The following PHACTR2 variants were observed in gnomAD, a reference collection of about 807,000 sequenced individuals.
The protein encoded by PHACTR2 is chromosome 6 open reading frame 56.
Under a neutral mutation model 76.0 loss-of-function variants are expected in PHACTR2, and 30 were observed. The observed-to-expected ratio is 0.39, with a 90% CI of 0.30 to 0.54. The LOEUF (loss-of-function observed/expected upper bound fraction) is 0.54, where lower values mean the gene tolerates loss of function less well. PHACTR2 is among the 20% of genes least tolerant of loss of function. The pLI is 0.61. For missense variants in PHACTR2, 696 were observed against 781.1 expected (o/e 0.89, Z 1.30); for synonymous variants, 292 against 292.5 (o/e 1.00, Z 0.02).
rs1779248822 is a variant in PHACTR2 at position 143,754,081 on chromosome 6, C to G, written c.454+169C>G. The G allele has an allele frequency of 4.6e-6, 2 of 432,960 alleles. No individual in the cohort carries two copies. Among genetic ancestry groups the G allele is most frequent in the Non-Finnish European group, 8.1e-6 (2 of 245,466 alleles). The allele number at this position is 432,960 out of a possible 1,614,324, so 26.8% of individuals were successfully genotyped here. On this transcript the variant is annotated intron_variant, in intron 4 of 12. Coordinates refer to ENST00000440869, the MANE Select transcript of PHACTR2 (RefSeq NM_001100164.2). This position sits in a 1 kb window ranked among gnomAD's most constrained non-coding sequence, Gnocchi z 6.2. ...TAGTAAAGTGAAATCGGATGATTTTCTCAGGTAGATGCATCCATTTTATAA... is the reference window on the plus strand; with the variant it reads ...TAGTAAAGTGAAATCGGATGATTTTGTCAGGTAGATGCATCCATTTTATAA...
rs147081046 is a variant in PHACTR2 at position 143,741,974 on chromosome 6, G to A, written c.215-7011G>A. Among the ~76,000 whole-genome samples the A allele has an allele frequency of 2.1e-4, 32 of 151,876 alleles. 1 individual carries two copies. Among genetic ancestry groups the A allele is most frequent in the African/African-American group, 7.2e-4 (30 of 41,426 alleles). The stretch of plus-strand genomic sequence containing the variant: ...AAAAAAATTAGCTGGGCATGGTGGC[G>A]GGCACCTGTAATCCCAGCTACTTGG... On this transcript the variant is annotated intron_variant, in intron 2 of 12. Transcript: ENST00000440869.
intron 2 of PHACTR2, among the ~76,000 whole-genome samples, chr6:143,741,316 A>C (rs755954732): frequency 3.0e-4 from 46 of 151,672 alleles, no homozygotes; most frequent in Admixed American, 5.9e-4. Flanking sequence ...AACATGGCCA[A>C]ACCCCATCTC....
chr6:143,758,632 T>C (rs912076490), intron 4 of PHACTR2, among the ~76,000 whole-genome samples: 3 of 152,164 alleles, frequency 2.0e-5, no homozygotes, highest in African/African-American at 7.2e-5. Context: ...AGACAAGATA[T>C]ATAAACAGAA....
Position 143,678,930 on chromosome 6 carries a change from C to A in PHACTR2, c.46+721C>A, listed in dbSNP as rs1340305674. ...GAAGGTACGTCTGGCATTTCCCCGA[C>A]AGTGTAGGGATAAAAAAAAAAAAAA... On this transcript the variant is annotated intron_variant, in intron 1 of 12. Transcript: ENST00000440869. This position sits in a 1 kb window ranked among gnomAD's most constrained non-coding sequence, Gnocchi z 6.2. 1.4e-5 allele frequency among the ~76,000 whole-genome samples: 2 copies of A among 145,884 alleles called. No homozygotes were observed. Among genetic ancestry groups the A allele is most frequent in the East Asian group, 3.9e-4 (2 of 5,116 alleles).
chr6:143,577,497 G>GA (rs199792347), intron 1 of PHACTR2, among the ~76,000 whole-genome samples: 2,057 of 152,214 alleles, frequency 0.014, 22 homozygotes, highest in Non-Finnish European at 0.022. Context: ...AAAAAGGTGT[G>GA]AAAAAAACTC....
Position 143,826,952 on chromosome 6 carries a change from T to C in PHACTR2, c.*3263T>C, listed in dbSNP as rs916243031. 4.6e-5 allele frequency: 7 copies of C among 151,862 alleles called. No homozygotes were observed. Among genetic ancestry groups the C allele is most frequent in the Non-Finnish European group, 8.8e-5 (6 of 67,912 alleles). The allele number at this position is 151,862 out of a possible 1,614,324, so 9.4% of individuals were successfully genotyped here. On this transcript the variant is annotated 3_prime_UTR_variant, in exon 13 of 13. Transcript: ENST00000440869. ...TAATGAGAGTAGTCCTTTATCTTTC[T>C]CTAATGTTAGTAAATATATTCTGTT...
Position 143,803,949 on chromosome 6 carries a change from C to T in PHACTR2, c.1846-3108C>T, listed in dbSNP as rs1346217413. Among the ~76,000 whole-genome samples the T allele has an allele frequency of 6.6e-6, 1 of 152,156 alleles. No individual in the cohort carries two copies. Among genetic ancestry groups the T allele is most frequent in the African/African-American group, 2.4e-5 (1 of 41,420 alleles). On this transcript the variant is annotated intron_variant, in intron 11 of 12. Coordinates refer to ENST00000440869, the MANE Select transcript of PHACTR2 (RefSeq NM_001100164.2). The surrounding 1 kb of genome is among the most constrained non-coding windows in gnomAD (Gnocchi z 4.7). ...AGGGCAAACAGGAAAAGGGTTAATG[C>T]GCATCTCTCTCTAGCAAGTCATGTG... is the stretch of plus-strand genomic sequence containing the variant.
At chr6:143,740,660 A>G (rs1018762592) in intron 2 of PHACTR2, among the ~76,000 whole-genome samples, 2 of 152,212 alleles carry the variant, frequency 1.3e-5, no homozygotes, top group Non-Finnish European at 2.9e-5. Flanking sequence ...GTGAGAATTT[A>G]CACTGTATCC....
intron 1 of PHACTR2, among the ~76,000 whole-genome samples, chr6:143,705,742 T>G (rs1778038375): frequency 6.6e-6 from 1 of 152,208 alleles, no homozygotes; most frequent in Non-Finnish European, 1.5e-5. Context: ...GTACATACTG[T>G]CAGCACAGCT....
At chr6:143,729,364 A>T (rs1778651823) in intron 2 of PHACTR2, among the ~76,000 whole-genome samples, 2 of 152,160 alleles carry the variant, frequency 1.3e-5, no homozygotes, top group African/African-American at 4.8e-5. Flanking sequence ...CCACCGTATC[A>T]GCTTCTTTTA....
intron 1 of PHACTR2, among the ~76,000 whole-genome samples, chr6:143,687,912 TAA>T (rs905622464): frequency 2.6e-5 from 4 of 152,092 alleles, no homozygotes; most frequent in Admixed American, 2.0e-4. Flanking sequence ...GTTCCTAAAT[TAA>T]AGTTATTATG....
At position 143,664,237 on chromosome 6, in the gene PHACTR2, G is replaced by T. The variant is rs963247590; in HGVS notation, c.14-47779G>T. On this transcript the variant is annotated intron_variant, in intron 1 of 11. Transcript: ENST00000305766. The surrounding 1 kb of genome is among the most constrained non-coding windows in gnomAD (Gnocchi z 5.1). The stretch of plus-strand genomic sequence containing the variant: ...GAGATTATAAATTTTCTTTTGGTAA[G>T]AATTTTCTTAGTAAATATTTTTCAT... 6.6e-6 allele frequency among the ~76,000 whole-genome samples: 1 copy of T among 151,812 alleles called. No individual in the cohort carries two copies. Among genetic ancestry groups the T allele is most frequent in the African/African-American group, 2.4e-5 (1 of 41,362 alleles).
In PHACTR2 at chr6:143,794,813, A is replaced by C. The variant is rs192303118; in HGVS notation, c.1845+5903A>C. On this transcript the variant is annotated intron_variant, in intron 11 of 12. Transcript: ENST00000440869. This position sits in a 1 kb window ranked among gnomAD's most constrained non-coding sequence, Gnocchi z 4.1. Reference sequence around the variant, plus strand: ...CATCTCAAAAACTGAACCAAACCAAACAAACAAACAAACAAAAAATGAGCT... The same window carrying C: ...CATCTCAAAAACTGAACCAAACCAACCAAACAAACAAACAAAAAATGAGCT... Among the ~76,000 whole-genome samples the C allele has an allele frequency of 5.8e-4, 86 of 148,658 alleles. 1 individual carries two copies. Among genetic ancestry groups the C allele is most frequent in the Middle Eastern group, 3.7e-3 (1 of 268 alleles).
chr6:143,675,012 T>TC (rs1562265896), upstream of PHACTR2, among the ~76,000 whole-genome samples: 1 of 152,190 alleles, frequency 6.6e-6, no homozygotes, highest in African/African-American at 2.4e-5. This position sits in a 1 kb window ranked among gnomAD's most constrained non-coding sequence, Gnocchi z 4.9. Context: ...AGTGCAAGTG[T>TC]CACTTTGGGT....
At position 143,765,110 on chromosome 6, in the gene PHACTR2, A is replaced by G; in HGVS notation, c.695-151A>G. ...GAAGGGAGGGGCAGAAGACAAGACT[A>G]TTATCATGATTAGCCTATTTTCTCT... On this transcript the variant is annotated intron_variant, in intron 5 of 12. Transcript: ENST00000440869. The surrounding 1 kb of genome is among the most constrained non-coding windows in gnomAD (Gnocchi z 4.1). 1.6e-6 allele frequency: 1 copy of G among 643,278 alleles called. No individual in the cohort carries two copies. The highest frequency in any genetic ancestry group is 2.7e-6 in the Non-Finnish European group (1 of 375,112). The allele number at this position is 643,278 out of a possible 1,614,324, so 39.8% of individuals were successfully genotyped here.
chr6:143,704,249 A>G (rs537767909), intron 1 of PHACTR2, among the ~76,000 whole-genome samples: 2 of 152,226 alleles, frequency 1.3e-5, no homozygotes, highest in African/African-American at 4.8e-5. Context: ...AATACTACTT[A>G]CCTTATCTGG....
At position 143,700,220 on chromosome 6, in the gene PHACTR2, A is replaced by G. The variant is rs960687522; in HGVS notation, c.47-11796A>G. On this transcript the variant is annotated intron_variant, in intron 1 of 12. Coordinates refer to ENST00000440869, the MANE Select transcript of PHACTR2 (RefSeq NM_001100164.2). The surrounding 1 kb of genome is among the most constrained non-coding windows in gnomAD (Gnocchi z 4.1). Reference sequence around the variant, plus strand: ...ATTCATCCTCAATGGGAATTTTTTCATAATTTTGTCTGAAACAAAATTTAG... The same window carrying G: ...ATTCATCCTCAATGGGAATTTTTTCGTAATTTTGTCTGAAACAAAATTTAG... Among the ~76,000 whole-genome samples, 1 of 152,176 alleles carries G rather than the reference A, an allele frequency of 6.6e-6. No individual in the cohort carries two copies. The highest frequency in any genetic ancestry group is 2.4e-5 in the African/African-American group (1 of 41,436).
chr6:143,739,350 A>G lies in PHACTR2; in HGVS notation c.215-9635A>G, dbSNP rs1278453895. The stretch of plus-strand genomic sequence containing the variant: ...AGTGCTGGGATTACAGGTGTGAGCC[A>G]CCGCACCCGGCTGCGAGATTCACTT... On this transcript the variant is annotated intron_variant, in intron 2 of 12. Coordinates refer to ENST00000440869, the MANE Select transcript of PHACTR2 (RefSeq NM_001100164.2). The surrounding 1 kb of genome is among the most constrained non-coding windows in gnomAD (Gnocchi z 4.3). Among the ~76,000 whole-genome samples, 1 of 152,204 alleles carries G rather than the reference A, an allele frequency of 6.6e-6. No homozygotes were observed.
chr6:143,631,062 A>G (rs1162716771), intron 1 of PHACTR2, among the ~76,000 whole-genome samples: 1 of 152,246 alleles, frequency 6.6e-6, no homozygotes, highest in Admixed American at 6.5e-5. Flanking sequence ...TTAAATACTT[A>G]ACACAAACAC....
Sources: gnomAD v4.1 joint callset for allele counts (sites outside exome capture counted in the v4.1 genomes callset) on GRCh38, gnomAD v4.1.1 for gene constraint, Gnocchi (gnomAD v3.1) non-coding constraint, MANE v1.5 for transcripts, NCBI Gene and HGNC (gene_info 2026-07-23, HGNC 2026-07-21) for gene names.